Variants in PTPRD observed in about 807,000 individuals in gnomAD.
PTPRD encodes receptor-type tyrosine-protein phosphatase delta.
A neutral mutation model predicts 214.5 loss-of-function variants in PTPRD; 34 were observed. The observed-to-expected ratio is 0.16, with a 90% confidence interval of 0.12 to 0.21. The LOEUF is 0.21. PTPRD is among the 10% of genes least tolerant of loss of function. The probability of loss-of-function intolerance (pLI) is 1.00; values close to 1 mark genes in which losing one functional copy is unlikely to be tolerated. For synonymous variants in PTPRD, 1,128 were observed against 845.7 expected (o/e 1.33, Z -5.79); for missense variants, 2,545 against 2,398.7 (o/e 1.06, Z -1.27).
At position 10,368,739 on chromosome 9, in the gene PTPRD, T is replaced by C. The variant is rs542316424; in HGVS notation, c.-599-27722A>G. ...ATCTTTTCTTAAACATATGATGATG[T>C]TAATATTACAAAACTCAGCCTGGGC... On this transcript the variant is annotated intron_variant, in intron 2 of 45. Transcript: ENST00000381196. 3.3e-5 allele frequency among the ~76,000 whole-genome samples: 5 copies of C among 152,246 alleles called. No homozygotes were observed. In the South Asian group the frequency reaches 8.3e-4, roughly 25 times the overall value.
intron 6 of PTPRD, among the ~76,000 whole-genome samples, chr9:9,765,914 A>G (rs1233087231): frequency 6.6e-6 from 1 of 152,076 alleles, no homozygotes; most frequent in African/African-American, 2.4e-5. Context: ...CGCCCGCCTC[A>G]GCCTCCCAAA....
At chr9:9,809,477 G>A (rs1844819040) in intron 5 of PTPRD, among the ~76,000 whole-genome samples, 1 of 151,838 alleles carries the variant, frequency 6.6e-6, no homozygotes, top group Non-Finnish European at 1.5e-5. Flanking sequence ...CCATTCACAG[G>A]ATGGTCTCTA....
At chr9:10,426,864 G>C (rs368676423) in intron 2 of PTPRD, among the ~76,000 whole-genome samples, 1 of 152,092 alleles carries the variant, frequency 6.6e-6, no homozygotes, top group East Asian at 1.9e-4. Context: ...GGTTGGCAAA[G>C]GACGTCTGTC....
At chr9:8,924,207 A>G (rs2098847913) in intron 11 of PTPRD, among the ~76,000 whole-genome samples, 1 of 150,202 alleles carries the variant, frequency 6.7e-6, no homozygotes, top group Non-Finnish European at 1.5e-5. Context: ...CAGTACTGAA[A>G]AAGGATCAAC....
At chr9:10,039,244 A>G (rs1403943240) in intron 3 of PTPRD, among the ~76,000 whole-genome samples, 2 of 152,074 alleles carry the variant, frequency 1.3e-5, no homozygotes, top group African/African-American at 4.8e-5. Flanking sequence ...TACTGTGACA[A>G]TTTAAAACTT....
At chr9:10,213,860 G>C (rs2099528430) in intron 3 of PTPRD, among the ~76,000 whole-genome samples, 1 of 151,886 alleles carries the variant, frequency 6.6e-6, no homozygotes, top group Non-Finnish European at 1.5e-5. Context: ...TATAATTTAT[G>C]AAATACTTAC....
intron 10 of PTPRD, among the ~76,000 whole-genome samples, chr9:9,118,815 T>C (rs2099814763): frequency 6.6e-6 from 1 of 152,178 alleles, no homozygotes; most frequent in Non-Finnish European, 1.5e-5. Flanking sequence ...AAGTACTTAT[T>C]CTACCTTAAA....
chr9:10,397,120 C>T (rs2098185504), intron 2 of PTPRD, among the ~76,000 whole-genome samples: 1 of 151,988 alleles, frequency 6.6e-6, no homozygotes, highest in Non-Finnish European at 1.5e-5. Context: ...TAACAGCTTG[C>T]TATCTCTCTC....
chr9:8,857,943 T>TCCTCCTCCG (rs2097972611), intron 11 of PTPRD, among the ~76,000 whole-genome samples: 1 of 76,864 alleles, frequency 1.3e-5, no homozygotes, highest in Non-Finnish European at 2.5e-5. Context: ...CCCCTTTTCC[T>TCCTCCTCCG]CCTCCTCCGC....
intron 3 of PTPRD, among the ~76,000 whole-genome samples, chr9:10,144,738 T>A (rs372795722): frequency 1.3e-5 from 2 of 152,140 alleles, no homozygotes; most frequent in East Asian, 3.9e-4. Context: ...AGCCTCTATA[T>A]GGCTGCTGAA....
At chr9:9,062,608 T>C (rs2099709626) in intron 10 of PTPRD, among the ~76,000 whole-genome samples, 1 of 152,130 alleles carries the variant, frequency 6.6e-6, no homozygotes, top group South Asian at 2.1e-4. Flanking sequence ...TCTAACTATT[T>C]ATGCTTGAGA....
chr9:9,961,546 A>G (rs923565570), intron 4 of PTPRD, among the ~76,000 whole-genome samples: 1 of 152,152 alleles, frequency 6.6e-6, no homozygotes, highest in African/African-American at 2.4e-5. Flanking sequence ...GCTATATAGC[A>G]ATTGGTGTGC....
At chr9:9,374,611 G>A (rs1434469851) in intron 9 of PTPRD, among the ~76,000 whole-genome samples, 1 of 152,178 alleles carries the variant, frequency 6.6e-6, no homozygotes, top group Non-Finnish European at 1.5e-5. Flanking sequence ...AGGCCTTAAT[G>A]TAAGACAGTT....
At chr9:8,334,105 C>G (rs1049735044) in intron 43 of PTPRD, among the ~76,000 whole-genome samples, 2 of 152,066 alleles carry the variant, frequency 1.3e-5, no homozygotes, top group African/African-American at 4.8e-5. Context: ...CTTTAACACC[C>G]CACTGTCAAT....
chr9:8,412,876 C>G (rs992297065), intron 35 of PTPRD, among the ~76,000 whole-genome samples: 6 of 152,094 alleles, frequency 3.9e-5, no homozygotes, highest in African/African-American at 1.4e-4. Flanking sequence ...GCATATGGTT[C>G]TCACTTTTTG....
intron 14 of PTPRD, among the ~76,000 whole-genome samples, chr9:8,549,156 AT>A (rs1375743333): frequency 6.6e-6 from 1 of 152,206 alleles, no homozygotes; most frequent in Non-Finnish European, 1.5e-5. Context: ...CGGATATAAC[AT>A]AGAATTATAA....
At chr9:8,870,284 C>A (rs896468860) in intron 11 of PTPRD, among the ~76,000 whole-genome samples, 14 of 151,868 alleles carry the variant, frequency 9.2e-5, no homozygotes, top group African/African-American at 3.4e-4. Context: ...TCAAAATAAC[C>A]TTTTGTAGAA....
intron 2 of PTPRD, among the ~76,000 whole-genome samples, chr9:10,345,731 G>T (rs1352831883): frequency 6.6e-6 from 1 of 152,148 alleles, no homozygotes; most frequent in Non-Finnish European, 1.5e-5. Flanking sequence ...ACATACGTGT[G>T]CATATGTCTT....
At chr9:9,864,753 A>C (rs147719311) in intron 5 of PTPRD, among the ~76,000 whole-genome samples, 1 of 152,038 alleles carries the variant, frequency 6.6e-6, no homozygotes, top group Non-Finnish European at 1.5e-5. Flanking sequence ...GGCTCAAGCA[A>C]TTCTCCCACC....
Sources: gnomAD v4.1 joint callset for allele counts (sites outside exome capture counted in the v4.1 genomes callset) on GRCh38, gnomAD v4.1.1 for gene constraint, MANE v1.5 for transcripts, NCBI Gene and HGNC (gene_info 2026-07-23, HGNC 2026-07-21) for gene names.